ALDH1L2: variants seen among roughly 807,000 people sequenced by gnomAD.
ALDH1L2 encodes mitochondrial 10-formyltetrahydrofolate dehydrogenase.
A neutral mutation model predicts 111.0 loss-of-function variants in ALDH1L2; 91 were observed. The observed-to-expected ratio is 0.82, with a 90% CI of 0.69 to 0.98. The LOEUF (loss-of-function observed/expected upper bound fraction) is 0.98, where lower values mean the gene tolerates loss of function less well. ALDH1L2 is among the 50% of genes least tolerant of loss of function. The probability of loss-of-function intolerance (pLI) is 0.00; values close to 1 mark genes in which losing one functional copy is unlikely to be tolerated. For synonymous variants in ALDH1L2, 374 were observed against 392.6 expected (o/e 0.95, Z 0.56); for missense variants, 995 against 1,126.8 (o/e 0.88, Z 1.67).
intron 1 of ALDH1L2, among the ~76,000 whole-genome samples, chr12:105,076,480 G>T (rs1878058815): frequency 6.6e-6 from 1 of 152,194 alleles, no homozygotes; most frequent in Non-Finnish European, 1.5e-5. Flanking sequence ...AGGTTAAGTA[G>T]CCAGGAGTCA....
intron 11 of ALDH1L2, 134 bp from the exon 12 acceptor site, chr12:105,052,351 A>G: frequency 1.1e-6 from 1 of 887,404 alleles, no homozygotes; most frequent in East Asian, 3.2e-5. Context: ...GAGTATATCT[A>G]GTACTACAGT....
At chr12:105,042,339 G>C (rs1875590356) in intron 15 of ALDH1L2, among the ~76,000 whole-genome samples, 1 of 152,104 alleles carries the variant, frequency 6.6e-6, no homozygotes, top group South Asian at 2.1e-4. Flanking sequence ...AGTAATTTGA[G>C]AATTGTTAAG....
chr12:105,077,295 G>A (rs1040399662), intron 1 of ALDH1L2, among the ~76,000 whole-genome samples: 1 of 148,588 alleles, frequency 6.7e-6, no homozygotes, highest in Non-Finnish European at 1.5e-5. Context: ...TTTTGAGACA[G>A]AGTCTCACTG....
intron 5 of ALDH1L2, among the ~76,000 whole-genome samples, chr12:105,066,128 G>T (rs1323691298): frequency 6.6e-6 from 1 of 152,082 alleles, no homozygotes; most frequent in East Asian, 1.9e-4. Context: ...TAGCATGCCA[G>T]ATTTTTTAAG....
At chr12:105,060,897 A>G (rs1418391778) in intron 9 of ALDH1L2, 84 bp downstream of exon 9, 1 of 1,178,092 alleles carries the variant, frequency 8.5e-7, no homozygotes, top group African/African-American at 1.5e-5. Flanking sequence ...AGAACAAAGG[A>G]TGTGTGTGGA....
chr12:105,043,917 G>A (rs1451998047), intron 15 of ALDH1L2, among the ~76,000 whole-genome samples: 1 of 152,172 alleles, frequency 6.6e-6, no homozygotes, highest in Admixed American at 6.5e-5. Flanking sequence ...TTTGTATGAA[G>A]CCAGGAGAGA....
intron 22 of ALDH1L2, among the ~76,000 whole-genome samples, chr12:105,025,917 G>A (rs527883530): frequency 3.4e-4 from 52 of 152,258 alleles, no homozygotes; most frequent in African/African-American, 1.1e-3. Context: ...CTCTGAGCTC[G>A]TGTGAGAATT....
chr12:105,038,057 T>G (rs10861315), intron 18 of ALDH1L2, 46 bp downstream of exon 18: 567,284 of 1,538,154 alleles, frequency 0.37, 108,161 homozygotes, highest in South Asian at 0.53. Flanking sequence ...GTGAGCCACC[T>G]CACCTGGCCC....
At chr12:105,063,934 C>A (rs1877173458) in intron 6 of ALDH1L2, among the ~76,000 whole-genome samples, 1 of 149,908 alleles carries the variant, frequency 6.7e-6, no homozygotes, top group Non-Finnish European at 1.5e-5. Context: ...AGGCCCAGGG[C>A]TAAGTACTTA....
chr12:105,050,663 G>C lies in ALDH1L2; in HGVS notation c.1536-605C>G, dbSNP rs78226033. 118 of 453,786 alleles carry C rather than the reference G, an allele frequency of 2.6e-4. 2 individuals are homozygous for C. The highest frequency in any genetic ancestry group is 2.2e-3 in the African/African-American group (111 of 50,034). The allele number at this position is 453,786 out of a possible 1,614,324, so 28.1% of individuals were successfully genotyped here. ...AGAGTCCAGCTTGAAATCCCCCTCC[G>C]ACAATCTTTGTTCCAGATCTTGCTT... is the stretch of plus-strand genomic sequence containing the variant. On this transcript the variant is annotated intron_variant, in intron 12 of 22. Coordinates refer to ENST00000258494, the MANE Select transcript of ALDH1L2 (RefSeq NM_001034173.4).
At chr12:105,049,827 A>C in intron 13 of ALDH1L2, 81 bp downstream of exon 13, 1 of 1,417,440 alleles carries the variant, frequency 7.1e-7, no homozygotes, top group Non-Finnish European at 9.3e-7. Flanking sequence ...CTACATAAAA[A>C]GAGGATCTGA....
At chr12:105,040,125 CAAAAAAAAAAAAAA>C (rs11284250) in intron 16 of ALDH1L2, among the ~76,000 whole-genome samples, 2 of 59,098 alleles carry the variant, frequency 3.4e-5, no homozygotes, top group African/African-American at 1.4e-4. Context: ...GACTCCGTCT[CAAAAAAAAAAAAAA>C]AAAAAAAAAA....
intron 1 of ALDH1L2, among the ~76,000 whole-genome samples, chr12:105,082,516 A>G (rs7132624): frequency 0.84 from 128,629 of 152,240 alleles, 54,462 homozygotes; most frequent in South Asian, 0.94. Flanking sequence ...TCCATGTTGT[A>G]TGCATCAGTA....
At chr12:105,077,422 C>T (rs1415115369) in intron 1 of ALDH1L2, among the ~76,000 whole-genome samples, 8 of 152,020 alleles carry the variant, frequency 5.3e-5, no homozygotes, top group Admixed American at 1.3e-4. Context: ...AGGCGCACGC[C>T]GTCATGCCCA....
In ALDH1L2 at chr12:105,023,054, A is replaced by C. The variant is rs955685748; in HGVS notation, c.*1370T>G. The C allele has an allele frequency of 1.3e-5, 2 of 150,476 alleles. No homozygotes were observed. The highest frequency in any genetic ancestry group is 4.8e-5 in the African/African-American group (2 of 41,324). 9.3% of individuals were successfully genotyped at this position (150,476 alleles called of 1,614,324 possible). A position where few individuals can be genotyped will look rare whatever the true frequency, so the allele number is the denominator to read the frequency against. On this transcript the variant is annotated 3_prime_UTR_variant, in exon 23 of 23. Transcript: ENST00000258494. ...ACTCACCTGACTACTTCTGTCTGCC[A>C]ATGGGAAATGGGCTGTTAATAGTTT...
At chr12:105,028,271 C>T (rs1189025609) in intron 21 of ALDH1L2, among the ~76,000 whole-genome samples, 1 of 152,126 alleles carries the variant, frequency 6.6e-6, no homozygotes, top group African/African-American at 2.4e-5. Context: ...CCACCACACC[C>T]AGATAATTTT....
At chr12:105,058,440 A>G (rs980183069) in intron 9 of ALDH1L2, among the ~76,000 whole-genome samples, 2 of 152,350 alleles carry the variant, frequency 1.3e-5, no homozygotes, top group East Asian at 3.9e-4. Context: ...TTAAAACTTT[A>G]TCCATGACTA....
chr12:105,037,242 A>C (rs1230165353), intron 18 of ALDH1L2, among the ~76,000 whole-genome samples: 1 of 152,224 alleles, frequency 6.6e-6, no homozygotes, highest in Non-Finnish European at 1.5e-5. Flanking sequence ...TATTTAAAAT[A>C]AGCCTTTATA....
intron 6 of ALDH1L2, 25 bp downstream of exon 6, chr12:105,065,242 G>T (rs768947919): frequency 1.4e-4 from 170 of 1,225,780 alleles, no homozygotes; most frequent in Non-Finnish European, 1.8e-4. Context: ...GGAGGGGGGT[G>T]GGGGGAGTGG....
Sources: gnomAD v4.1 joint callset for allele counts (sites outside exome capture counted in the v4.1 genomes callset) on GRCh38, gnomAD v4.1.1 for gene constraint, MANE v1.5 for transcripts, NCBI Gene and HGNC (gene_info 2026-07-23, HGNC 2026-07-21) for gene names.